Variants in CELSR3 observed in about 807,000 individuals in gnomAD.
CELSR3 encodes the protein cadherin EGF LAG seven-pass G-type receptor 3.
Under a neutral mutation model 270.0 loss-of-function variants are expected in CELSR3, and 73 were observed. The observed-to-expected ratio is 0.27, with a 90% confidence interval of 0.22 to 0.33. The LOEUF (loss-of-function observed/expected upper bound fraction) is 0.33, where lower values mean the gene tolerates loss of function less well. CELSR3 is among the 10% of genes least tolerant of loss of function. The probability of loss-of-function intolerance (pLI) is 1.00; values close to 1 mark genes in which losing one functional copy is unlikely to be tolerated. For synonymous variants in CELSR3, 1,780 were observed against 1,905.4 expected, an observed-to-expected ratio of 0.93 and a Z score of 1.71; for missense variants, 3,614 against 4,533.8, an observed-to-expected ratio of 0.80 and a Z score of 5.83.
In CELSR3 at chr3:48,651,394, T is replaced by C; in HGVS notation, c.6151A>G (p.Asn2051Asp). 6.2e-7 allele frequency: 1 copy of C among 1,614,064 alleles called. No individual in the cohort carries two copies. The highest frequency in any genetic ancestry group is 8.5e-7 in the Non-Finnish European group (1 of 1,179,950). The change falls in exon 14 of 35, where the codon AAC becomes GAC. Residue 2051 changes from asparagine to aspartate, a missense_variant. Physicochemically the swap from Asn to Asp is conservative, Grantham distance 23. Around this residue, in one of 7 missense-constraint regions of CELSR3, gnomAD observed 1,331 missense variants for 1,933.7 expected, o/e 0.69. Transcript: ENST00000164024. This position sits in a 1 kb window ranked among gnomAD's most constrained non-coding sequence, Gnocchi z 7.4. ...NCDVHKGFDP[N>D]CNKTNGQCHC... ...CACTGCCCATTTGTCTTGTTGCAGT[T>C]GGGATCAAAACCTTTGTGAACATCA...
Position 48,647,890 on chromosome 3 carries a change from G to A in CELSR3, c.7080C>T (p.His2360=). The A allele has an allele frequency of 6.2e-7, 1 of 1,611,812 alleles. No homozygotes were observed. Among genetic ancestry groups the A allele is most frequent in the Non-Finnish European group, 8.5e-7 (1 of 1,179,684 alleles). ...LFRGQDAWDP[H]THVLLPSQSP... ...ACTGGGAAGGCAGCAGCACATGGGT[G>A]TGAGGATCCCAGGCATCCTGGCCTC... The change falls in exon 20 of 35, where the codon CAC becomes CAT. Residue 2360 remains histidine, a synonymous_variant. Transcript: ENST00000164024.
rs746523016 is a variant in CELSR3, at chr3:48,652,967, C to A, written c.5634+35G>T. The A allele has an allele frequency of 1.5e-5, 24 of 1,591,860 alleles. No homozygotes were observed. Among genetic ancestry groups the A allele is most frequent in the Non-Finnish European group, 1.9e-5 (22 of 1,163,114 alleles). ...AAATAAGGCGGATCTGGTTGGAAGG[C>A]TGAGAACAGACTACCCCGGGGTCAG... is the stretch of plus-strand genomic sequence containing the variant. On this transcript the variant is annotated intron_variant, in intron 10 of 34. Transcript: ENST00000164024. This position sits in a 1 kb window ranked among gnomAD's most constrained non-coding sequence, Gnocchi z 4.3.
Position 48,641,138 on chromosome 3 carries a change from A to G in CELSR3, c.9025+186T>C. ...GGTGCTGGCCAGGGTAGAGGGGGACAGAGAATTCCCAGGTCAGGACAGGAG... is the reference window on the plus strand; with the variant it reads ...GGTGCTGGCCAGGGTAGAGGGGGACGGAGAATTCCCAGGTCAGGACAGGAG... On this transcript the variant is annotated intron_variant, in intron 33 of 34. Transcript: ENST00000164024. The surrounding 1 kb of genome is among the most constrained non-coding windows in gnomAD (Gnocchi z 4.8). 1 of 593,086 alleles carries G rather than the reference A, an allele frequency of 1.7e-6. No individual in the cohort carries two copies. The highest frequency in any genetic ancestry group is 3.0e-6 in the Non-Finnish European group (1 of 330,962). 36.7% of individuals were successfully genotyped at this position (593,086 alleles called of 1,614,324 possible). A position where few individuals can be genotyped will look rare whatever the true frequency, so the allele number is the denominator to read the frequency against.
chr3:48,651,387 T>C lies in CELSR3; in HGVS notation c.6158A>G (p.Asn2053Ser), dbSNP rs372471040. The change falls in exon 14 of 35, where the codon AAC (asparagine) becomes AGC (serine). Residue 2053 changes from asparagine (N) to serine (S), a missense_variant. Around this residue, in one of 7 missense-constraint regions of CELSR3, gnomAD observed 1,331 missense variants for 1,933.7 expected, o/e 0.69. Coordinates refer to ENST00000164024, the MANE Select transcript of CELSR3 (RefSeq NM_001407.3). The surrounding 1 kb of genome is among the most constrained non-coding windows in gnomAD (Gnocchi z 7.4). ...DVHKGFDPNC[N>S]KTNGQCHCKE... ...GCAGTGACACTGCCCATTTGTCTTG[T>C]TGCAGTTGGGATCAAAACCTTTGTG... The C allele has an allele frequency of 1.2e-6, 2 of 1,614,094 alleles. No homozygotes were observed. The highest frequency in any genetic ancestry group is 1.3e-5 in the African/African-American group (1 of 75,054).
Position 48,646,808 on chromosome 3 carries a change from C to T in CELSR3, c.7250G>A (p.Gly2417Glu). The T allele has an allele frequency of 1.2e-6, 2 of 1,609,100 alleles. No individual in the cohort carries two copies. Among genetic ancestry groups the T allele is most frequent in the Non-Finnish European group, 1.7e-6 (2 of 1,178,366 alleles). ...IIILLVYRTL[G>E]GLLPAQFQAE... The stretch of plus-strand genomic sequence containing the variant: ...CTGGAACTGGGCAGGGAGCAGTCCC[C>T]CTAAGGTGCGGTAAACGAGGAGAAT... Residue 2417 changes from glycine to glutamate, a missense_variant, in exon 21 of 35, where the codon GGG becomes GAG. Coordinates refer to ENST00000164024, the MANE Select transcript of CELSR3 (RefSeq NM_001407.3). The surrounding 1 kb of genome is among the most constrained non-coding windows in gnomAD (Gnocchi z 4.8).
Position 48,645,319 on chromosome 3 carries a change from G to A in CELSR3, c.7798-110C>T. On this transcript the variant is annotated intron_variant, in intron 24 of 34. Transcript: ENST00000164024. This position sits in a 1 kb window ranked among gnomAD's most constrained non-coding sequence, Gnocchi z 5.4. ...CCCTAAACCACAATATCTTACCCCA[G>A]CATCCTGCTGAAAACCCTGGCCCCA... 6.5e-7 allele frequency: 1 copy of A among 1,541,858 alleles called. No homozygotes were observed. The highest frequency in any genetic ancestry group is 1.2e-5 in the South Asian group (1 of 86,374).
In CELSR3 at chr3:48,646,766, G is replaced by A. The variant is rs761935779; in HGVS notation, c.7292C>T (p.Ala2431Val). ...CAGGGGTGAGGGGCCTGAGTACCTG[G>A]CACCTCGGCGTTCTGCCTGGAACTG... ...PAQFQAERRGARLPQNPVMNS... is the reference protein window; with the variant it reads ...PAQFQAERRGVRLPQNPVMNS... The change falls in exon 21 of 35, where the codon GCC becomes GTC. Residue 2431 changes from alanine to valine, a missense_variant. Transcript: ENST00000164024. This position sits in a 1 kb window ranked among gnomAD's most constrained non-coding sequence, Gnocchi z 4.8. 1.2e-6 allele frequency: 2 copies of A among 1,608,556 alleles called. No individual in the cohort carries two copies. Among genetic ancestry groups the A allele is most frequent in the Admixed American group, 1.7e-5 (1 of 59,206 alleles).
Position 48,650,433 on chromosome 3 carries a change from A to AGGGGGGGGGGGGGGGGGGGGGGGG in CELSR3, c.6472+46_6472+47insCCCCCCCCCCCCCCCCCCCCCCCC. On this transcript the variant is annotated intron_variant, in intron 16 of 34. Transcript: ENST00000164024. The surrounding 1 kb of genome is among the most constrained non-coding windows in gnomAD (Gnocchi z 5.1). ...GACATGGCTCTAGCAGTCAGAGTAC[A>AGGGGGGGGGGGGGGGGGGGGGGGG]GGCCCACCCCCACCCTCAGTGATGT... is the stretch of plus-strand genomic sequence containing the variant. 11 of 927,800 alleles carry AGGGGGGGGGGGGGGGGGGGGGGGG rather than the reference A, an allele frequency of 1.2e-5. No homozygotes were observed. The highest frequency in any genetic ancestry group is 3.2e-5 in the East Asian group (1 of 31,404). 57.5% of individuals were successfully genotyped at this position (927,800 alleles called of 1,614,324 possible). A position where few individuals can be genotyped will look rare whatever the true frequency, so the allele number is the denominator to read the frequency against.
chr3:48,644,320 G>A lies in CELSR3; in HGVS notation c.8086-25C>T. On this transcript the variant is annotated intron_variant, in intron 26 of 34. Transcript: ENST00000164024. This position sits in a 1 kb window ranked among gnomAD's most constrained non-coding sequence, Gnocchi z 4.8. ...TCTGGACCCACGGCCAGACATGTGGGGCCGGGCAGGGCAGAGAGAGAGAGA... is the reference window on the plus strand; with the variant it reads ...TCTGGACCCACGGCCAGACATGTGGAGCCGGGCAGGGCAGAGAGAGAGAGA... 6.2e-7 allele frequency: 1 copy of A among 1,605,976 alleles called. No individual in the cohort carries two copies. The highest frequency in any genetic ancestry group is 8.5e-7 in the Non-Finnish European group (1 of 1,173,542).
rs1469773303 is a variant in CELSR3 at position 48,657,254 on chromosome 3, G to T, written c.3843C>A (p.Asn1281Lys). 6.2e-7 allele frequency: 1 copy of T among 1,613,042 alleles called. No individual in the cohort carries two copies. Among genetic ancestry groups the T allele is most frequent in the Non-Finnish European group, 8.5e-7 (1 of 1,179,708 alleles). Residue 1281 changes from asparagine (N) to lysine (K), a missense_variant, in exon 2 of 35, where the codon AAC (asparagine) becomes AAA (lysine). By Grantham distance (94) the Asn-to-Lys change is moderately conservative (BLOSUM62 0). Transcript: ENST00000164024. This position sits in a 1 kb window ranked among gnomAD's most constrained non-coding sequence, Gnocchi z 5.4. ...LANSLTVRLENMWQERFLSPL... is the reference protein window; with the variant it reads ...LANSLTVRLEKMWQERFLSPL... ...GTGACAGGAAGCGCTCCTGCCACAT[G>T]TTCTCAAGGCGCACGGTCAGGCTGT... is the stretch of plus-strand genomic sequence containing the variant.
chr3:48,638,137 T>A lies in CELSR3; in HGVS notation c.*68A>T. On this transcript the variant is annotated 3_prime_UTR_variant, in exon 35 of 35. Coordinates refer to ENST00000164024, the MANE Select transcript of CELSR3 (RefSeq NM_001407.3). Reference sequence around the variant, plus strand: ...CTGCCTTGGGATCTGCCCCCACTCCTGGAGTCTCTCCTGTTAGCCTAGATC... The same window carrying A: ...CTGCCTTGGGATCTGCCCCCACTCCAGGAGTCTCTCCTGTTAGCCTAGATC... 1 of 1,439,974 alleles carries A rather than the reference T, an allele frequency of 6.9e-7. No individual in the cohort carries two copies. The highest frequency in any genetic ancestry group is 9.8e-7 in the Non-Finnish European group (1 of 1,022,528). 89.2% of individuals were successfully genotyped at this position (1,439,974 alleles called of 1,614,324 possible).
At position 48,662,260 on chromosome 3, in the gene CELSR3, T is replaced by C. The variant is rs1203601081; in HGVS notation, c.375A>G (p.Thr125=). ...ATAACACAGACCCTGGTCCCTGTCC[T>C]GTCTCTCGTTCGCGGCTGCCCAATG... ...VQPLGSRERE[T]GQGPGSVLYW... The change falls in exon 1 of 35, where the codon ACA becomes ACG. Residue 125 remains threonine (T), a synonymous_variant. Coordinates refer to ENST00000164024, the MANE Select transcript of CELSR3 (RefSeq NM_001407.3). The surrounding 1 kb of genome is among the most constrained non-coding windows in gnomAD (Gnocchi z 7.1). 6.2e-6 allele frequency: 10 copies of C among 1,612,996 alleles called. No homozygotes were observed. The highest frequency in any genetic ancestry group is 7.6e-6 in the Non-Finnish European group (9 of 1,180,026).
In CELSR3 at chr3:48,644,134, G is replaced by A. The variant is rs2047055934; in HGVS notation, c.8165+82C>T. On this transcript the variant is annotated intron_variant, in intron 27 of 34. Coordinates refer to ENST00000164024, the MANE Select transcript of CELSR3 (RefSeq NM_001407.3). The surrounding 1 kb of genome is among the most constrained non-coding windows in gnomAD (Gnocchi z 4.8). ...AGAACTTGGAGCCCAACCTGCACCA[G>A]GGAAGATCTGGGGGCCCCAGACCCC... 1 of 1,163,526 alleles carries A rather than the reference G, an allele frequency of 8.6e-7. No individual in the cohort carries two copies. The highest frequency in any genetic ancestry group is 2.0e-5 in the Admixed American group (1 of 50,792). 72.1% of individuals were successfully genotyped at this position (1,163,526 alleles called of 1,614,324 possible).
rs759571026 is a variant in CELSR3 at position 48,659,283 on chromosome 3, C to A, written c.3352G>T (p.Asp1118Tyr). The A allele has an allele frequency of 4.3e-6, 7 of 1,614,140 alleles. No homozygotes were observed. In the Admixed American group the frequency reaches 1.0e-4, roughly 23 times the overall value. The change falls in exon 1 of 35, where the codon GAC (aspartate) becomes TAC (tyrosine). Residue 1118 changes from aspartate to tyrosine, a missense_variant. By Grantham distance (160) the Asp-to-Tyr change is radical. Transcript: ENST00000164024. The surrounding 1 kb of genome is among the most constrained non-coding windows in gnomAD (Gnocchi z 8.1). The part of the protein sequence containing the change: ...EGNIPELFQM[D>Y]IFSGELTALI... Reference sequence around the variant, plus strand: ...GCCGTCAGTTCTCCAGAGAAGATGTCCATTTGGAACAGCTCAGGGATGTTC... The same window carrying A: ...GCCGTCAGTTCTCCAGAGAAGATGTACATTTGGAACAGCTCAGGGATGTTC...
At position 48,643,226 on chromosome 3, in the gene CELSR3, G is replaced by C. The variant is rs567258213; in HGVS notation, c.8290-143C>G. The C allele has an allele frequency of 1.1e-5, 7 of 656,980 alleles. No homozygotes were observed. In the South Asian group the frequency reaches 1.3e-4, roughly 12 times the overall value. 40.7% of individuals were successfully genotyped at this position (656,980 alleles called of 1,614,324 possible). ...CCATGCGGGACTCAGTAAGGGAGTT[G>C]GGGAAGGTCAGCAGGGGAGAGGATG... On this transcript the variant is annotated intron_variant, in intron 28 of 34. Transcript: ENST00000164024.
Position 48,639,695 on chromosome 3 carries a change from G to T in CELSR3, c.9890C>A (p.Ser3297Ter), listed in dbSNP as rs746402820. 6.2e-7 allele frequency: 1 copy of T among 1,613,598 alleles called. No individual in the cohort carries two copies. The highest frequency in any genetic ancestry group is 8.5e-7 in the Non-Finnish European group (1 of 1,179,944). Residue 3297 changes from serine (S) to a stop codon, truncating the protein, a stop_gained, in exon 34 of 35, where the codon TCG becomes TAG. Transcript: ENST00000164024. LOFTEE classifies it high-confidence loss of function. The surrounding 1 kb of genome is among the most constrained non-coding windows in gnomAD (Gnocchi z 4.1). Reference protein sequence around the residue: ...TPRSATSHSISELSPDSEVPR... With the variant: ...TPRSATSHSI Reference sequence around the variant, plus strand: ...TTACTCTGAGTCTGGCGACAGCTCCGAGATGCTGTGAGACGTGGCAGAACG... The same window carrying T: ...TTACTCTGAGTCTGGCGACAGCTCCTAGATGCTGTGAGACGTGGCAGAACG...
chr3:48,651,148 G>A lies in CELSR3; in HGVS notation c.6187-73C>T. ...GGAATGAGTGGAATCAAGGATAAAG[G>A]GTCAAGAGAACAGTGCTCATGGGCC... On this transcript the variant is annotated intron_variant, in intron 14 of 34. Coordinates refer to ENST00000164024, the MANE Select transcript of CELSR3 (RefSeq NM_001407.3). This position sits in a 1 kb window ranked among gnomAD's most constrained non-coding sequence, Gnocchi z 7.4. The A allele has an allele frequency of 6.7e-7, 1 of 1,491,976 alleles. No individual in the cohort carries two copies. Among genetic ancestry groups the A allele is most frequent in the South Asian group, 1.3e-5 (1 of 76,966 alleles). The allele number at this position is 1,491,976 out of a possible 1,614,324, so 92.4% of individuals were successfully genotyped here. A position where few individuals can be genotyped will look rare whatever the true frequency, so the allele number is the denominator to read the frequency against.
At position 48,650,106 on chromosome 3, in the gene CELSR3, T is replaced by C. The variant is rs892578276; in HGVS notation, c.6472+374A>G. On this transcript the variant is annotated intron_variant, in intron 16 of 34. Coordinates refer to ENST00000164024, the MANE Select transcript of CELSR3 (RefSeq NM_001407.3). This position sits in a 1 kb window ranked among gnomAD's most constrained non-coding sequence, Gnocchi z 5.1. The stretch of plus-strand genomic sequence containing the variant: ...GGCAATGGGGAGGGGTCTCTGAGGA[T>C]CTCAGGCATCAGAGAAGGGCCCCTG... Among the ~76,000 whole-genome samples the C allele has an allele frequency of 1.3e-5, 2 of 151,084 alleles. No homozygotes were observed. Among genetic ancestry groups the C allele is most frequent in the South Asian group, 4.2e-4 (2 of 4,752 alleles).
Position 48,644,625 on chromosome 3 carries a change from G to T in CELSR3, c.8085+91C>A. On this transcript the variant is annotated intron_variant, in intron 26 of 34. Transcript: ENST00000164024. The surrounding 1 kb of genome is among the most constrained non-coding windows in gnomAD (Gnocchi z 4.8). ...GCCGAGCCCAGGAAGCCTGCAGAAT[G>T]CCACCTGACCGCCCTCAGCTGAGTC... 1.0e-6 allele frequency: 1 copy of T among 1,002,648 alleles called. No individual in the cohort carries two copies. The highest frequency in any genetic ancestry group is 1.5e-6 in the Non-Finnish European group (1 of 654,886). 62.1% of individuals were successfully genotyped at this position (1,002,648 alleles called of 1,614,324 possible). A position where few individuals can be genotyped will look rare whatever the true frequency, so the allele number is the denominator to read the frequency against.
Sources: gnomAD v4.1 joint callset for allele counts (sites outside exome capture counted in the v4.1 genomes callset) on GRCh38, gnomAD v4.1.1 for gene constraint, gnomAD v4.1.1 regional missense constraint, Gnocchi (gnomAD v3.1) non-coding constraint, MANE v1.5 for transcripts, NCBI Gene and HGNC (gene_info 2026-07-23, HGNC 2026-07-21) for gene names.